CDYL: variants seen among roughly 807,000 people sequenced by gnomAD.
The protein encoded by CDYL is chromodomain Y like, also known as chromodomain Y-like protein.
CDYL carries 8 observed loss-of-function variants against 47.3 expected under a neutral mutation model. The ratio of observed to expected loss-of-function variants is 0.17; its 90% confidence interval spans 0.10 to 0.31. The LOEUF (loss-of-function observed/expected upper bound fraction) is 0.31. Ranked by LOEUF, CDYL falls within the 10% of genes least tolerant of loss-of-function variation. The pLI is 1.00. For missense variants in CDYL, 471 were observed against 701.4 expected (o/e 0.67, Z 3.71); for synonymous variants, 266 against 265.0 (o/e 1.00, Z -0.04).
intron 1 of CDYL, among the ~76,000 whole-genome samples, chr6:4,859,213 T>G (rs1761094984): frequency 6.6e-6 from 1 of 152,224 alleles, no homozygotes; most frequent in African/African-American, 2.4e-5. Context: ...AGACATGTTC[T>G]GTGGAACAAA....
intron 1 of CDYL, among the ~76,000 whole-genome samples, chr6:4,887,497 C>T (rs1761929511): frequency 6.6e-6 from 1 of 152,012 alleles, no homozygotes; most frequent in African/African-American, 2.4e-5. Context: ...TATAGAAATA[C>T]AATGCAGTTA....
At chr6:4,790,257 T>C (rs1165499918) in intron 1 of CDYL, among the ~76,000 whole-genome samples, 1 of 152,206 alleles carries the variant, frequency 6.6e-6, no homozygotes, top group Non-Finnish European at 1.5e-5. Flanking sequence ...GAAGACAGCT[T>C]TTTACTTAAC....
intron 6 of CDYL, among the ~76,000 whole-genome samples, chr6:4,953,592 G>A (rs1008030289): frequency 1.3e-5 from 2 of 152,318 alleles, no homozygotes; most frequent in South Asian, 2.1e-4. Context: ...CAGAGCAGAC[G>A]TCCAGTTCGG....
intron 3 of CDYL, among the ~76,000 whole-genome samples, chr6:4,748,391 A>T (rs1720579307): frequency 6.6e-6 from 1 of 152,030 alleles, no homozygotes; most frequent in South Asian, 2.1e-4. Flanking sequence ...AAAAAAACAT[A>T]AAGGATACAT....
intron 1 of CDYL, among the ~76,000 whole-genome samples, chr6:4,879,379 T>C (rs181817169): frequency 1.2e-4 from 19 of 152,316 alleles, no homozygotes; most frequent in Admixed American, 6.5e-4. Flanking sequence ...AGGGTTGTTA[T>C]AGCATCTTAA....
intron 1 of CDYL, among the ~76,000 whole-genome samples, chr6:4,873,048 G>A (rs553837977): frequency 6.6e-6 from 1 of 152,308 alleles, no homozygotes; most frequent in African/African-American, 2.4e-5. Context: ...CTTCTCAGTT[G>A]TAGCAGCTGT....
At chr6:4,935,462 A>C in intron 2 of CDYL, 53 bp from the exon 3 acceptor site, 1 of 1,458,410 alleles carries the variant, frequency 6.9e-7, no homozygotes, top group Non-Finnish European at 9.6e-7. Context: ...GACACCTGGG[A>C]GTGAACTGGT....
chr6:4,792,627 G>T (rs1758958304), intron 1 of CDYL, among the ~76,000 whole-genome samples: 1 of 151,842 alleles, frequency 6.6e-6, no homozygotes, highest in South Asian at 2.1e-4. Context: ...GTAGAGACAG[G>T]GTTTCACCAT....
intron 3 of CDYL, among the ~76,000 whole-genome samples, chr6:4,760,638 T>C (rs1339250000): frequency 6.6e-6 from 1 of 152,110 alleles, no homozygotes; most frequent in Non-Finnish European, 1.5e-5. Context: ...CTATGTGAAA[T>C]AGAGCTCTTC....
At chr6:4,948,531 A>C (rs1758598665) in intron 5 of CDYL, among the ~76,000 whole-genome samples, 1 of 102,540 alleles carries the variant, frequency 9.8e-6, no homozygotes, top group African/African-American at 2.7e-5. Context: ...GGCAGTTTTC[A>C]CCCCCGACCT....
At chr6:4,802,366 C>T (rs557072482) in intron 1 of CDYL, among the ~76,000 whole-genome samples, 40 of 151,976 alleles carry the variant, frequency 2.6e-4, no homozygotes, top group Admixed American at 1.6e-3. Flanking sequence ...AGTGAGACCC[C>T]GTCTTTACTA....
intron 3 of CDYL, among the ~76,000 whole-genome samples, chr6:4,752,383 C>T (rs1039712660): frequency 1.3e-5 from 2 of 152,134 alleles, no homozygotes. Context: ...GTTTCTTTCA[C>T]CTGCTGGCTT....
At chr6:4,913,729 A>G (rs534501075) in intron 2 of CDYL, among the ~76,000 whole-genome samples, 1 of 152,370 alleles carries the variant, frequency 6.6e-6, no homozygotes, top group African/African-American at 2.4e-5. Flanking sequence ...CATTTAGTAG[A>G]TATTTTACAC....
chr6:4,931,874 C>A lies in CDYL; in HGVS notation c.692-3641C>A, dbSNP rs552411413. ...TGGTCAGCGTGAGCCAAAATGAATC[C>A]ATTTTTAAATTAGCAGAACCACGGA... is the stretch of plus-strand genomic sequence containing the variant. On this transcript the variant is annotated intron_variant, in intron 2 of 6. Coordinates refer to ENST00000397588, the MANE Select transcript of CDYL (RefSeq NM_004824.4). 1.1e-3 allele frequency among the ~76,000 whole-genome samples: 171 copies of A among 152,312 alleles called. No homozygotes were observed. In the Middle Eastern group the frequency reaches 0.014, roughly 12 times the overall value.
intron 6 of CDYL, 64 bp downstream of exon 6, chr6:4,952,473 C>T: frequency 6.5e-7 from 1 of 1,539,720 alleles, no homozygotes; most frequent in Non-Finnish European, 8.8e-7. Context: ...CCTCAGAGAG[C>T]TCACAAATTT....
chr6:4,809,275 T>G (rs1759458921), intron 1 of CDYL, among the ~76,000 whole-genome samples: 1 of 152,250 alleles, frequency 6.6e-6, no homozygotes, highest in Non-Finnish European at 1.5e-5. Flanking sequence ...AAAGATCATC[T>G]TCATTTTAAA....
intron 1 of CDYL, among the ~76,000 whole-genome samples, chr6:4,838,020 C>T (rs766289414): frequency 3.3e-5 from 5 of 151,974 alleles, no homozygotes; most frequent in African/African-American, 7.3e-5. Flanking sequence ...TCAAGCAATC[C>T]GCTTTCCTCA....
chr6:4,949,678 G>A (rs1387896597), intron 5 of CDYL, among the ~76,000 whole-genome samples: 4 of 152,162 alleles, frequency 2.6e-5, no homozygotes, highest in African/African-American at 9.7e-5. Flanking sequence ...TGTGTGAATC[G>A]GTTATTTGGG....
At chr6:4,842,147 T>G (rs983463316) in intron 1 of CDYL, among the ~76,000 whole-genome samples, 18 of 142,908 alleles carry the variant, frequency 1.3e-4, no homozygotes, top group African/African-American at 3.9e-4. Flanking sequence ...ATTATATTAC[T>G]TATATATTAT....
Sources: allele counts gnomAD v4.1 joint callset (sites outside exome capture counted in the v4.1 genomes callset), GRCh38; gene constraint gnomAD v4.1.1; transcripts MANE v1.5; gene names NCBI Gene and HGNC (gene_info 2026-07-23, HGNC 2026-07-21).